The following RALA variants were observed in gnomAD, a reference collection of about 807,000 sequenced individuals.
The protein encoded by RALA is ras-related protein Ral-A.
Under a neutral mutation model 24.0 loss-of-function variants are expected in RALA, and 5 were observed. That is an observed-to-expected ratio of 0.21 (90% CI 0.11 to 0.44). The LOEUF (loss-of-function observed/expected upper bound fraction) is 0.44, where lower values mean the gene tolerates loss of function less well. Among genes scored for constraint, RALA ranks in the 20% least tolerant of loss-of-function variants. The probability of loss-of-function intolerance (pLI) is 0.99; values close to 1 mark genes in which losing one functional copy is unlikely to be tolerated. For synonymous variants in RALA, 77 were observed against 83.8 expected (o/e 0.92, Z 0.44); for missense variants, 95 against 241.2 (o/e 0.39, Z 4.01).
At chr7:39,666,187 T>A (rs1340567840) in intron 1 of RALA, among the ~76,000 whole-genome samples, 1 of 152,166 alleles carries the variant, frequency 6.6e-6, no homozygotes, top group Non-Finnish European at 1.5e-5. Flanking sequence ...TTGTTTAAGA[T>A]AGTCCTAGAA....
intron 1 of RALA, among the ~76,000 whole-genome samples, chr7:39,644,771 T>G (rs1791896506): frequency 6.6e-6 from 1 of 152,198 alleles, no homozygotes; most frequent in African/African-American, 2.4e-5. Context: ...CAAAAAAGAT[T>G]AGGTAAATAT....
intron 1 of RALA, among the ~76,000 whole-genome samples, chr7:39,656,076 A>G (rs944699290): frequency 6.6e-6 from 1 of 152,186 alleles, no homozygotes. Context: ...TTGGTGTTTT[A>G]GTGAGTATAT....
intron 1 of RALA, among the ~76,000 whole-genome samples, chr7:39,644,936 C>G (rs1390105816): frequency 1.3e-5 from 2 of 152,122 alleles, no homozygotes; most frequent in Non-Finnish European, 2.9e-5. Context: ...TTTTGTTGTG[C>G]AGTATACAAT....
intron 1 of RALA, among the ~76,000 whole-genome samples, chr7:39,640,349 T>C (rs1481596305): frequency 6.6e-6 from 1 of 152,252 alleles, no homozygotes. Flanking sequence ...AAATGGTATC[T>C]TACTGTGGTT....
At chr7:39,674,225 T>A (rs1287383822) in intron 1 of RALA, among the ~76,000 whole-genome samples, 1 of 152,120 alleles carries the variant, frequency 6.6e-6, no homozygotes, top group Non-Finnish European at 1.5e-5. Flanking sequence ...GATTACAGAT[T>A]AGAGCCGCTG....
chr7:39,681,696 C>G (rs1318903434), intron 1 of RALA, among the ~76,000 whole-genome samples: 1 of 152,092 alleles, frequency 6.6e-6, no homozygotes, highest in East Asian at 1.9e-4. Flanking sequence ...TTTCTCGTAT[C>G]TATCTTCATC....
At chr7:39,656,330 A>G (rs766196498) in intron 1 of RALA, among the ~76,000 whole-genome samples, 1 of 152,140 alleles carries the variant, frequency 6.6e-6, no homozygotes, top group African/African-American at 2.4e-5. Context: ...CATGTTTGCT[A>G]TTTCTCAATT....
intron 2 of RALA, among the ~76,000 whole-genome samples, chr7:39,688,690 C>T (rs61070404): frequency 0.17 from 25,870 of 151,636 alleles, 2,523 homozygotes; most frequent in East Asian, 0.31. Flanking sequence ...CCTCCCATTT[C>T]AGCCTTCCAA....
chr7:39,686,178 C>T (rs1227653520), intron 1 of RALA, among the ~76,000 whole-genome samples: 3 of 148,948 alleles, frequency 2.0e-5, no homozygotes, highest in African/African-American at 7.4e-5. Context: ...TGCACTCCAG[C>T]CTGGGCGACA....
chr7:39,699,131 T>TA (rs1792974020), intron 4 of RALA, among the ~76,000 whole-genome samples: 1 of 112,900 alleles, frequency 8.9e-6, no homozygotes, highest in African/African-American at 3.8e-5. Flanking sequence ...ATTTTTTTTT[T>TA]TTTTTTTTTT....
intron 1 of RALA, among the ~76,000 whole-genome samples, chr7:39,641,205 T>G (rs943490792): frequency 6.6e-6 from 1 of 152,182 alleles, no homozygotes; most frequent in South Asian, 2.1e-4. Flanking sequence ...TATATCATTT[T>G]TGCCCATTTT....
intron 1 of RALA, among the ~76,000 whole-genome samples, chr7:39,628,966 A>G (rs1444031396): frequency 1.3e-5 from 2 of 152,242 alleles, no homozygotes; most frequent in African/African-American, 2.4e-5. Flanking sequence ...AGTAACTTTC[A>G]TTCTTAACTG....
chr7:39,686,781 G>C lies in RALA; in HGVS notation c.114G>C (p.Glu38Asp). ...TGACTCTACAGTTCATGTACGATGAGGTAAGTGCTAATTTTATAATGGATC... is the reference window on the plus strand; with the variant it reads ...TGACTCTACAGTTCATGTACGATGACGTAAGTGCTAATTTTATAATGGATC... ...SALTLQFMYDEFVEDYEPTKA... is the reference protein window; with the variant it reads ...SALTLQFMYDDFVEDYEPTKA... Residue 38 changes from glutamate to aspartate, a missense_variant and splice_region_variant, in exon 2 of 5, where the codon GAG (glutamate) becomes GAC (aspartate). By Grantham distance (45) the Glu-to-Asp change is conservative (BLOSUM62 2). Coordinates refer to ENST00000005257, the MANE Select transcript of RALA (RefSeq NM_005402.4). 1 of 1,604,704 alleles carries C rather than the reference G, an allele frequency of 6.2e-7. No individual in the cohort carries two copies. The highest frequency in any genetic ancestry group is 8.5e-7 in the Non-Finnish European group (1 of 1,171,536).
At chr7:39,672,906 A>G (rs973816507) in intron 1 of RALA, among the ~76,000 whole-genome samples, 12 of 152,246 alleles carry the variant, frequency 7.9e-5, no homozygotes, top group African/African-American at 2.9e-4. Context: ...ATGACTGTAT[A>G]CATTTATCAA....
chr7:39,646,175 C>T (rs1029880298), intron 1 of RALA, among the ~76,000 whole-genome samples: 2 of 152,126 alleles, frequency 1.3e-5, no homozygotes, highest in East Asian at 3.9e-4. Context: ...TGCATATAGT[C>T]CTAACTACTT....
chr7:39,698,501 A>G (rs890195787), intron 4 of RALA, among the ~76,000 whole-genome samples: 1 of 152,244 alleles, frequency 6.6e-6, no homozygotes, highest in Non-Finnish European at 1.5e-5. Flanking sequence ...AGAAAATTAT[A>G]GATTTGAAGA....
At position 39,638,372 on chromosome 7, in the gene RALA, T is replaced by C. The variant is rs1235655539; in HGVS notation, c.-38+14547T>C. On this transcript the variant is annotated intron_variant, in intron 1 of 4. Transcript: ENST00000005257. ...AGAAATGAAATCATACAATATGTGG[T>C]TTTTGTGTCTGGCTTCTTTTACTTA... Among the ~76,000 whole-genome samples the C allele has an allele frequency of 2.6e-5, 4 of 152,204 alleles. No individual in the cohort carries two copies. The South Asian group carries it at 8.3e-4, about 31-fold the overall frequency.
chr7:39,642,356 G>A (rs1791833394), intron 1 of RALA, among the ~76,000 whole-genome samples: 2 of 152,202 alleles, frequency 1.3e-5, no homozygotes, highest in Non-Finnish European at 2.9e-5. Context: ...AAAGGAGTAA[G>A]ATTTGTTTGC....
intron 4 of RALA, among the ~76,000 whole-genome samples, chr7:39,701,174 ACT>A (rs920540383): frequency 6.6e-6 from 1 of 152,070 alleles, no homozygotes; most frequent in Non-Finnish European, 1.5e-5. Context: ...GGTCTGGCCA[ACT>A]CTGGCGCTCA....
Sources: allele counts gnomAD v4.1 joint callset (sites outside exome capture counted in the v4.1 genomes callset), GRCh38; gene constraint gnomAD v4.1.1; transcripts MANE v1.5; gene names NCBI Gene and HGNC (gene_info 2026-07-23, HGNC 2026-07-21).